SLC20A2: variants seen among roughly 807,000 people sequenced by gnomAD.
The protein encoded by SLC20A2 is solute carrier family 20 member 2, also known as sodium-dependent phosphate transporter 2.
SLC20A2 carries 30 observed loss-of-function variants against 61.0 expected under a neutral mutation model. That is an observed-to-expected ratio of 0.49 (90% confidence interval 0.37 to 0.67). SLC20A2 has a LOEUF of 0.67. SLC20A2 is among the 30% of genes least tolerant of loss of function. The probability of loss-of-function intolerance (pLI) is 0.00; values close to 1 mark genes in which losing one functional copy is unlikely to be tolerated. For synonymous variants in SLC20A2, 351 were observed against 353.3 expected (o/e 0.99, Z 0.07); for missense variants, 626 against 866.4 (o/e 0.72, Z 3.48).
intron 1 of SLC20A2, among the ~76,000 whole-genome samples, chr8:42,513,381 T>A (rs756850582): frequency 6.6e-6 from 1 of 152,206 alleles, no homozygotes; most frequent in African/African-American, 2.4e-5. Context: ...GAGACACATA[T>A]GACATGACTT....
intron 1 of SLC20A2, among the ~76,000 whole-genome samples, chr8:42,496,570 T>C (rs905164884): frequency 6.6e-6 from 1 of 152,246 alleles, no homozygotes; most frequent in African/African-American, 2.4e-5. Context: ...CACTTACTTG[T>C]GGCCTTAGCC....
chr8:42,524,603 T>C (rs377532295), intron 1 of SLC20A2, among the ~76,000 whole-genome samples: 31 of 152,062 alleles, frequency 2.0e-4, no homozygotes, highest in African/African-American at 7.5e-4. Context: ...CTTGCCAACA[T>C]GGTGAAACCC....
upstream of SLC20A2, among the ~76,000 whole-genome samples, chr8:42,505,318 T>C (rs1365404802): frequency 1.3e-5 from 2 of 152,014 alleles, no homozygotes; most frequent in African/African-American, 4.8e-5. Context: ...TATGTTGCCC[T>C]GGCTGGTCTC....
intron 1 of SLC20A2, among the ~76,000 whole-genome samples, chr8:42,512,328 G>A (rs1237398179): frequency 3.3e-5 from 5 of 150,172 alleles, no homozygotes; most frequent in South Asian, 2.1e-4. Flanking sequence ...ATTTCTTTAC[G>A]GCTTAAAAAA....
intron 2 of SLC20A2, among the ~76,000 whole-genome samples, chr8:42,471,807 G>A (rs1051732001): frequency 3.9e-5 from 6 of 152,042 alleles, no homozygotes; most frequent in African/African-American, 9.7e-5. Flanking sequence ...ATAATAAAGC[G>A]CTGTTCTACA....
intron 1 of SLC20A2, among the ~76,000 whole-genome samples, chr8:42,517,487 T>C (rs1811388980): frequency 6.6e-6 from 1 of 152,114 alleles, no homozygotes; most frequent in South Asian, 2.1e-4. Flanking sequence ...TAATTGACAA[T>C]ATATTATCAA....
chr8:42,515,682 C>T (rs923153310), intron 1 of SLC20A2, among the ~76,000 whole-genome samples: 26 of 152,120 alleles, frequency 1.7e-4, no homozygotes, highest in African/African-American at 6.0e-4. Context: ...AAGTAGAAAT[C>T]CCGGGGTCAT....
At chr8:42,476,482 A>G (rs981699253) in intron 1 of SLC20A2, among the ~76,000 whole-genome samples, 1 of 152,138 alleles carries the variant, frequency 6.6e-6, no homozygotes, top group Non-Finnish European at 1.5e-5. Context: ...ACATGCTGTC[A>G]AAACTCATGA....
At chr8:42,419,540 C>G (rs952650857) in intron 10 of SLC20A2, 12 of 184,716 alleles carry the variant, frequency 6.5e-5, no homozygotes, top group Non-Finnish European at 1.1e-4. Context: ...CAGAATGAGA[C>G]TCAGTCTCAA....
intron 1 of SLC20A2, among the ~76,000 whole-genome samples, chr8:42,509,333 C>T (rs941910074): frequency 1.6e-4 from 24 of 152,214 alleles, no homozygotes; most frequent in African/African-American, 5.8e-4. Flanking sequence ...TGCACCCCAA[C>T]ATCAGCCTCC....
At chr8:42,491,233 G>A (rs1046979096) in intron 1 of SLC20A2, among the ~76,000 whole-genome samples, 1 of 152,006 alleles carries the variant, frequency 6.6e-6, no homozygotes, top group African/African-American at 2.4e-5. Context: ...TACAAAAATT[G>A]GCCGGGTATG....
upstream of SLC20A2, among the ~76,000 whole-genome samples, chr8:42,503,925 A>T (rs557020825): frequency 1.8e-4 from 28 of 152,330 alleles, no homozygotes; most frequent in Non-Finnish European, 3.7e-4. Context: ...CAAGGAGCTC[A>T]AAGTTTAGAT....
At chr8:42,509,877 C>G (rs1047240355) in intron 1 of SLC20A2, among the ~76,000 whole-genome samples, 3 of 152,166 alleles carry the variant, frequency 2.0e-5, no homozygotes, top group Admixed American at 2.0e-4. Context: ...ATATGCACCT[C>G]AAATGGAAAA....
intron 6 of SLC20A2, among the ~76,000 whole-genome samples, chr8:42,441,332 T>C (rs370754816): frequency 5.3e-5 from 8 of 151,410 alleles, no homozygotes; most frequent in East Asian, 1.9e-4. Context: ...TTTTGTATAT[T>C]TAGTAGAGAT....
chr8:42,461,151 T>C (rs1362622448), intron 4 of SLC20A2, among the ~76,000 whole-genome samples: 1 of 152,096 alleles, frequency 6.6e-6, no homozygotes, highest in Admixed American at 6.6e-5. Flanking sequence ...GACTCAAGTG[T>C]GGGAGTGTCA....
intron 5 of SLC20A2, among the ~76,000 whole-genome samples, chr8:42,458,940 ACCC>A (rs765231520): frequency 9.6e-6 from 1 of 104,094 alleles, no homozygotes; most frequent in Non-Finnish European, 1.9e-5. Flanking sequence ...ATAATTTTTA[ACCC>A]CCCCCCCCAC....
chr8:42,416,806 C>T lies in SLC20A2; in HGVS notation c.*997G>A, dbSNP rs531797780. 6.5e-6 allele frequency: 1 copy of T among 152,830 alleles called. No individual in the cohort carries two copies. Among genetic ancestry groups the T allele is most frequent in the East Asian group, 1.9e-4 (1 of 5,198 alleles). 9.5% of individuals were successfully genotyped at this position (152,830 alleles called of 1,614,324 possible). A position where few individuals can be genotyped will look rare whatever the true frequency, so the allele number is the denominator to read the frequency against. On this transcript the variant is annotated 3_prime_UTR_variant, in exon 11 of 11. Transcript: ENST00000520262. ...TGTGCTGACATTGGAGACAAGGATC[C>T]GTTCTTCAGGCTGCAGGGAGAATTG...
At chr8:42,485,096 A>G (rs1044384647) in intron 1 of SLC20A2, 4 of 180,702 alleles carry the variant, frequency 2.2e-5, no homozygotes, top group African/African-American at 9.6e-5. Context: ...AGGTCAGGAC[A>G]ATCACAGCCC....
chr8:42,504,633 G>T (rs901332824), upstream of SLC20A2, among the ~76,000 whole-genome samples: 2 of 151,396 alleles, frequency 1.3e-5, no homozygotes, highest in Non-Finnish European at 2.9e-5. Context: ...CACGAGGTCA[G>T]GAGTTCAAGA....
Sources: gnomAD v4.1 joint callset for allele counts (sites outside exome capture counted in the v4.1 genomes callset) on GRCh38, gnomAD v4.1.1 for gene constraint, MANE v1.5 for transcripts, NCBI Gene and HGNC (gene_info 2026-07-23, HGNC 2026-07-21) for gene names.